Variants in BBS9 observed in about 807,000 individuals in gnomAD.
The protein encoded by BBS9 is Bardet-Biedl syndrome 9.
Under a neutral mutation model 117.7 loss-of-function variants are expected in BBS9, and 89 were observed. That is an observed-to-expected ratio of 0.76 (90% CI 0.64 to 0.90). The LOEUF (loss-of-function observed/expected upper bound fraction) is 0.90, where lower values mean the gene tolerates loss of function less well. Ranked by LOEUF, BBS9 falls within the 40% of genes least tolerant of loss-of-function variation. BBS9 has a pLI of 0.00. For synonymous variants in BBS9, 379 were observed against 370.9 expected, an observed-to-expected ratio of 1.02 and a Z score of -0.25; for missense variants, 982 against 1,042.2, an observed-to-expected ratio of 0.94 and a Z score of 0.80.
Position 33,478,423 on chromosome 7 carries a change from T to C in BBS9, c.2116-27040T>C, listed in dbSNP as rs534270634. On this transcript the variant is annotated intron_variant, in intron 19 of 22. Transcript: ENST00000242067. ...GCAATTGGGAGCCACTCTAGTTTTCTGATTGTGGAATTGGCATGGCCATGG... is the reference window on the plus strand; with the variant it reads ...GCAATTGGGAGCCACTCTAGTTTTCCGATTGTGGAATTGGCATGGCCATGG... 3.3e-5 allele frequency among the ~76,000 whole-genome samples: 5 copies of C among 152,322 alleles called. No homozygotes were observed. In the South Asian group the frequency reaches 1.0e-3, roughly 32 times the overall value.
At chr7:33,543,370 T>G (rs1852728988) in intron 21 of BBS9, among the ~76,000 whole-genome samples, 1 of 152,108 alleles carries the variant, frequency 6.6e-6, no homozygotes, top group Non-Finnish European at 1.5e-5. Context: ...CCTTGTCAGA[T>G]GTATAGATTG....
At chr7:33,316,654 A>AT (rs1451058622) in intron 9 of BBS9, among the ~76,000 whole-genome samples, 4 of 152,052 alleles carry the variant, frequency 2.6e-5, no homozygotes, top group South Asian at 2.1e-4. Context: ...AATGATGAGC[A>AT]TTTTTTTCGT....
chr7:33,490,319 TTTTTTC>T (rs1420073397), intron 19 of BBS9, among the ~76,000 whole-genome samples: 1 of 151,978 alleles, frequency 6.6e-6, no homozygotes, highest in Non-Finnish European at 1.5e-5. Flanking sequence ...AAGATCAATC[TTTTTTC>T]TTTTTCTTTT....
intron 1 of BBS9, among the ~76,000 whole-genome samples, chr7:33,146,012 G>A (rs552925609): frequency 6.6e-6 from 1 of 152,324 alleles, no homozygotes; most frequent in African/African-American, 2.4e-5. Context: ...GAGAGAATTA[G>A]CACAACATAA....
downstream of BBS9, among the ~76,000 whole-genome samples, chr7:33,611,067 G>T (rs949011019): frequency 3.3e-5 from 5 of 152,066 alleles, no homozygotes; most frequent in African/African-American, 1.2e-4. Context: ...AGAGGGCCCA[G>T]CCGCTTCATT....
intron 5 of BBS9, among the ~76,000 whole-genome samples, chr7:33,218,275 A>C (rs1789456101): frequency 6.6e-6 from 1 of 152,208 alleles, no homozygotes; most frequent in African/African-American, 2.4e-5. Context: ...GGGCTGGAAA[A>C]AAATTTCAAA....
chr7:33,238,220 T>C (rs903770371), intron 5 of BBS9, among the ~76,000 whole-genome samples: 1 of 152,210 alleles, frequency 6.6e-6, no homozygotes, highest in African/African-American at 2.4e-5. Context: ...ACTTTGATCA[T>C]CATGTCCCAT....
Position 33,505,588 on chromosome 7 carries a change from C to T in BBS9, c.2241C>T (p.Asp747=), listed in dbSNP as rs144089673. The part of the protein sequence containing the change: ...LIALWQKLSA[D]QVAILEAAFL... The stretch of plus-strand genomic sequence containing the variant: ...CGCTGTGGCAGAAGCTTAGTGCTGA[C>T]CAGGTTGCTATTCTGGAAGCGGCAT... The change falls in exon 20 of 23, where the codon GAC becomes GAT. Residue 747 remains aspartate, a synonymous_variant. Transcript: ENST00000242067. 175 of 1,614,048 alleles carry T rather than the reference C, an allele frequency of 1.1e-4. No homozygotes were observed. The highest frequency in any genetic ancestry group is 6.7e-4 in the South Asian group (61 of 91,080).
chr7:33,475,947 G>A (rs998453263), intron 19 of BBS9, among the ~76,000 whole-genome samples: 29 of 152,178 alleles, frequency 1.9e-4, no homozygotes, highest in Non-Finnish European at 2.9e-4. Flanking sequence ...GAATCTAATC[G>A]CAAAATTGAA....
At chr7:33,223,939 A>G (rs1466075579) in intron 5 of BBS9, among the ~76,000 whole-genome samples, 1 of 152,204 alleles carries the variant, frequency 6.6e-6, no homozygotes, top group East Asian at 1.9e-4. Context: ...TGCTCTTATC[A>G]GTTAACATAG....
At chr7:33,315,005 A>G (rs917064136) in intron 9 of BBS9, among the ~76,000 whole-genome samples, 20 of 152,196 alleles carry the variant, frequency 1.3e-4, no homozygotes, top group African/African-American at 4.3e-4. Flanking sequence ...GCTTACAACA[A>G]TGATTTATTT....
At chr7:33,347,843 T>C (rs940887055) in intron 12 of BBS9, among the ~76,000 whole-genome samples, 6 of 151,968 alleles carry the variant, frequency 3.9e-5, no homozygotes, top group African/African-American at 1.4e-4. Flanking sequence ...ATTATGTTAA[T>C]GTATGTATCT....
rs376301836 is a variant in BBS9 at position 33,418,238 on chromosome 7, T to A, written c.2115+30094T>A. Among the ~76,000 whole-genome samples the A allele has an allele frequency of 3.9e-5, 6 of 152,210 alleles. No homozygotes were observed. In the East Asian group the frequency reaches 7.7e-4, roughly 20 times the overall value. On this transcript the variant is annotated intron_variant, in intron 19 of 22. Coordinates refer to ENST00000242067, the MANE Select transcript of BBS9 (RefSeq NM_198428.3). ...ATGGACAGATCCATGTGTTCATTTG[T>A]TGCTGGTTGTGGTTGTGATACTTCC...
intron 15 of BBS9, among the ~76,000 whole-genome samples, chr7:33,353,203 C>T (rs1818991087): frequency 6.6e-6 from 1 of 152,014 alleles, no homozygotes; most frequent in African/African-American, 2.4e-5. Context: ...GTTATTTTAC[C>T]TAAAAGAAAG....
chr7:33,519,881 G>A (rs1848348160), intron 20 of BBS9, among the ~76,000 whole-genome samples: 2 of 152,074 alleles, frequency 1.3e-5, no homozygotes, highest in Non-Finnish European at 2.9e-5. Flanking sequence ...TAATAATTAT[G>A]ACATTTTCAG....
chr7:33,500,577 C>A, intron 19 of BBS9, among the ~76,000 whole-genome samples: 1 of 152,278 alleles, frequency 6.6e-6, no homozygotes, highest in East Asian at 1.9e-4. Context: ...GGTATGACAG[C>A]CTTGCACACA....
intron 5 of BBS9, among the ~76,000 whole-genome samples, chr7:33,212,647 T>C (rs1457660879): frequency 6.6e-6 from 1 of 152,114 alleles, no homozygotes; most frequent in African/African-American, 2.4e-5. Context: ...GAGTTAGGTA[T>C]TTATTGTAGT....
At chr7:33,629,026 A>G (rs1865768844) in intron 21 of BBS9, among the ~76,000 whole-genome samples, 2 of 152,190 alleles carry the variant, frequency 1.3e-5, no homozygotes, top group Non-Finnish European at 2.9e-5. Context: ...TGGGACAGGT[A>G]TTGGAATGGG....
chr7:33,136,868 T>C (rs1196196689), intron 1 of BBS9, among the ~76,000 whole-genome samples: 1 of 152,164 alleles, frequency 6.6e-6, no homozygotes, highest in Non-Finnish European at 1.5e-5. Flanking sequence ...CTTTTATTTT[T>C]TGGAGTGGTT....
Sources: gnomAD v4.1 joint callset for allele counts (sites outside exome capture counted in the v4.1 genomes callset) on GRCh38, gnomAD v4.1.1 for gene constraint, MANE v1.5 for transcripts, NCBI Gene and HGNC (gene_info 2026-07-23, HGNC 2026-07-21) for gene names.